MTAP: variants seen among roughly 807,000 people sequenced by gnomAD.
MTAP encodes the protein methylthioadenosine phosphorylase.
Under a neutral mutation model 33.6 loss-of-function variants are expected in MTAP, and 33 were observed. The observed-to-expected ratio is 0.98, with a 90% CI of 0.74 to 1.31. MTAP has a LOEUF of 1.31. Among genes scored for constraint, MTAP ranks in the 40% most tolerant of loss-of-function variants. The probability of loss-of-function intolerance (pLI) is 0.00; values close to 1 mark genes in which losing one functional copy is unlikely to be tolerated. For synonymous variants in MTAP, 148 were observed against 125.7 expected (o/e 1.18, Z -1.19); for missense variants, 367 against 360.0 (o/e 1.02, Z -0.16).
intron 4 of MTAP, among the ~76,000 whole-genome samples, chr9:21,819,102 A>T (rs1046940602): frequency 6.6e-6 from 1 of 151,742 alleles, no homozygotes; most frequent in South Asian, 2.1e-4. Flanking sequence ...TTTTAAGGCT[A>T]AATGGTATTC....
chr9:21,937,977 A>G (rs934087838), downstream of MTAP, among the ~76,000 whole-genome samples: 4 of 152,038 alleles, frequency 2.6e-5, no homozygotes, highest in African/African-American at 9.7e-5. Flanking sequence ...CTTCTCTACA[A>G]AAATTAGCCT....
chr9:21,931,118 T>C (rs569658544), exon 2 of MTAP: 3 of 762,012 alleles, frequency 3.9e-6, no homozygotes, highest in Non-Finnish European at 7.2e-6. Flanking sequence ...ATGGCAGAGG[T>C]GAAATCCTGC....
At chr9:21,831,791 T>A (rs914552337) in intron 4 of MTAP, among the ~76,000 whole-genome samples, 9 of 152,176 alleles carry the variant, frequency 5.9e-5, no homozygotes, top group African/African-American at 2.2e-4. Context: ...ATTGATTTTT[T>A]TTTTTTTTAC....
intron 1 of MTAP, chr9:21,813,963 G>A (rs373490718): frequency 6.6e-6 from 1 of 152,210 alleles, no homozygotes; most frequent in Non-Finnish European, 1.5e-5. Context: ...CTGTTGATTT[G>A]AAAGCTATAA....
Position 21,887,346 on chromosome 9 carries a change from G to A in MTAP, c.147+32476G>A, listed in dbSNP as rs545952967. Among the ~76,000 whole-genome samples, 4 of 151,848 alleles carry A rather than the reference G, an allele frequency of 2.6e-5. No homozygotes were observed. The South Asian group carries it at 8.3e-4, about 32-fold the overall frequency. On this transcript the variant is annotated intron_variant, in intron 1 of 1. Coordinates refer to the MTAP transcript ENST00000577563. ...CTCATGGTTCAATTCCCACCTATGAGTGAGAACATGTGGTGTTTGGTTTTC... is the reference window on the plus strand; with the variant it reads ...CTCATGGTTCAATTCCCACCTATGAATGAGAACATGTGGTGTTTGGTTTTC...
intron 5 of MTAP, among the ~76,000 whole-genome samples, chr9:21,849,897 C>CA (rs1825471130): frequency 6.6e-6 from 1 of 152,216 alleles, no homozygotes; most frequent in African/African-American, 2.4e-5. Context: ...GGTATGCAGC[C>CA]ATTGACTTGG....
rs1183259946 is a variant in MTAP, at chr9:21,859,292, TG to T, written c.691-10del. The T allele has an allele frequency of 1.2e-6, 2 of 1,602,324 alleles. No individual in the cohort carries two copies. Among genetic ancestry groups the T allele is most frequent in the Non-Finnish European group, 1.7e-6 (2 of 1,176,662 alleles). On this transcript the variant is annotated splice_polypyrimidine_tract_variant and intron_variant, in intron 6 of 7. Transcript: ENST00000644715. ...AAGTTCTAGTAACCTCCAGTGCTAT[TG>T]TTTCTCTAGGTTTCGGTGGACCGGG...
intron 1 of MTAP, among the ~76,000 whole-genome samples, chr9:21,910,988 C>G (rs1818567427): frequency 6.6e-6 from 1 of 152,118 alleles, no homozygotes; most frequent in Non-Finnish European, 1.5e-5. Context: ...ATCCTAGTCT[C>G]TCATAAAACA....
At chr9:21,824,985 C>T (rs1824751002) in intron 4 of MTAP, among the ~76,000 whole-genome samples, 1 of 152,136 alleles carries the variant, frequency 6.6e-6, no homozygotes, top group South Asian at 2.1e-4. Context: ...CCCGATTTTC[C>T]AGGTGCCGTC....
At chr9:21,856,075 C>G in intron 6 of MTAP, 3 of 766,686 alleles carry the variant, frequency 3.9e-6, no homozygotes, top group Non-Finnish European at 3.2e-6. Context: ...TAATTTTCAC[C>G]TCTTTCTCTT....
At position 21,816,225 on chromosome 9, in the gene MTAP, T is replaced by G. The variant is rs1013953660; in HGVS notation, c.121-489T>G. On this transcript the variant is annotated intron_variant, in intron 2 of 7. Transcript: ENST00000644715. ...AGTCCTGCAGTCATCCTGGTTCATT[T>G]TCTTAAACCCCTCGGTTCTAAGGGT... Among the ~76,000 whole-genome samples, 26 of 152,124 alleles carry G rather than the reference T, an allele frequency of 1.7e-4. 1 individual carries two copies. Among genetic ancestry groups the G allele is most frequent in the Non-Finnish European group, 3.4e-4 (23 of 67,980 alleles).
chr9:21,876,345 T>C (rs1328981757), intron 1 of MTAP, among the ~76,000 whole-genome samples: 1 of 152,206 alleles, frequency 6.6e-6, no homozygotes, highest in Non-Finnish European at 1.5e-5. Context: ...GATAGTTTCT[T>C]TTGCTGTGCA....
At chr9:21,825,044 C>T (rs1162664134) in intron 4 of MTAP, among the ~76,000 whole-genome samples, 1 of 152,166 alleles carries the variant, frequency 6.6e-6, no homozygotes, top group East Asian at 1.9e-4. Flanking sequence ...ACCCCTTACG[C>T]TTCCTAGGTG....
intron 1 of MTAP, among the ~76,000 whole-genome samples, chr9:21,874,573 A>C (rs1587267547): frequency 6.6e-6 from 1 of 152,048 alleles, no homozygotes; most frequent in East Asian, 1.9e-4. Flanking sequence ...TTTTAAAATA[A>C]TTTTCACCCA....
downstream of MTAP, chr9:21,931,351 TA>T: frequency 1.8e-6 from 1 of 547,212 alleles, no homozygotes; most frequent in African/African-American, 1.9e-5. Context: ...CAGACATGAG[TA>T]AGGGAGGAGA....
chr9:21,851,539 G>A (rs1019170299), intron 5 of MTAP, among the ~76,000 whole-genome samples: 17 of 152,184 alleles, frequency 1.1e-4, no homozygotes, highest in East Asian at 9.6e-4. Context: ...ATTATGTTAC[G>A]TGTAATTATG....
At chr9:21,807,771 TATTTTG>T (rs1015203230) in intron 1 of MTAP, among the ~76,000 whole-genome samples, 4 of 152,128 alleles carry the variant, frequency 2.6e-5, no homozygotes, top group Non-Finnish European at 5.9e-5. Flanking sequence ...TGAGGAAGTT[TATTTTG>T]ATTTTTTATT....
chr9:21,802,663 AG>A lies in MTAP; in HGVS notation c.-84del. ...CCGCACTGCTCACTCCCGCGCAGTG[AG>A]GTTGGCACAGCCACCGCTCTGTGGC... is the stretch of plus-strand genomic sequence containing the variant. On this transcript the variant is annotated 5_prime_UTR_variant, in exon 1 of 8. Coordinates refer to ENST00000644715, the MANE Select transcript of MTAP (RefSeq NM_002451.4). 6.7e-7 allele frequency: 1 copy of A among 1,500,278 alleles called. No individual in the cohort carries two copies. Among genetic ancestry groups the A allele is most frequent in the Non-Finnish European group, 9.2e-7 (1 of 1,085,234 alleles). The allele number at this position is 1,500,278 out of a possible 1,614,324, so 92.9% of individuals were successfully genotyped here.
At chr9:21,826,609 TTTATTATTATTATTATTA>T (rs149631009) in intron 4 of MTAP, among the ~76,000 whole-genome samples, 2,511 of 140,886 alleles carry the variant, frequency 0.018, 73 homozygotes, top group East Asian at 0.12. Context: ...TGGGGTTTTG[TTTATTATTATTATTATTA>T]TTATTATTAT....
Sources: gnomAD v4.1 joint callset for allele counts (sites outside exome capture counted in the v4.1 genomes callset) on GRCh38, gnomAD v4.1.1 for gene constraint, MANE v1.5 for transcripts, NCBI Gene and HGNC (gene_info 2026-07-23, HGNC 2026-07-21) for gene names.